EFNA5: variants seen among roughly 807,000 people sequenced by gnomAD.
EFNA5 encodes the protein ephrin A5.
EFNA5 carries 5 observed loss-of-function variants against 22.9 expected under a neutral mutation model. That is an observed-to-expected ratio of 0.22 (90% CI 0.11 to 0.46). EFNA5 has a LOEUF of 0.46. Ranked by LOEUF, EFNA5 falls within the 20% of genes least tolerant of loss-of-function variation. The probability of loss-of-function intolerance (pLI) is 0.99; values close to 1 mark genes in which losing one functional copy is unlikely to be tolerated. For missense variants in EFNA5, 237 were observed against 293.3 expected (o/e 0.81, Z 1.40); for synonymous variants, 113 against 112.2 (o/e 1.01, Z -0.04).
chr5:107,482,893 T>TATAC (rs1371480254), intron 1 of EFNA5, among the ~76,000 whole-genome samples: 1 of 140,022 alleles, frequency 7.1e-6, no homozygotes, highest in African/African-American at 2.6e-5. Context: ...TATATATATA[T>TATAC]ACATACATAT....
At chr5:107,434,378 ACACTCAGG>A (rs1398492665) in intron 1 of EFNA5, among the ~76,000 whole-genome samples, 1 of 152,180 alleles carries the variant, frequency 6.6e-6, no homozygotes, top group African/African-American at 2.4e-5. Flanking sequence ...CATTGAAAGG[ACACTCAGG>A]CAGTGCCCTG....
intron 1 of EFNA5, among the ~76,000 whole-genome samples, chr5:107,496,366 A>AAAC (rs1746987518): frequency 6.6e-6 from 1 of 151,424 alleles, no homozygotes; most frequent in African/African-American, 2.4e-5. Flanking sequence ...AAAAAACAAA[A>AAAC]AACAACAACT....
chr5:107,461,850 G>A (rs1369355574), intron 1 of EFNA5, among the ~76,000 whole-genome samples: 1 of 151,930 alleles, frequency 6.6e-6, no homozygotes, highest in African/African-American at 2.4e-5. Flanking sequence ...TTATTCACTG[G>A]CTCTAGGGAT....
chr5:107,628,295 T>C (rs1750180685), intron 1 of EFNA5, among the ~76,000 whole-genome samples: 2 of 152,318 alleles, frequency 1.3e-5, no homozygotes, highest in Admixed American at 6.5e-5. Flanking sequence ...AAATGCTCTA[T>C]ATTACCAGCA....
At chr5:107,622,969 CG>C (rs1326677711) in intron 1 of EFNA5, among the ~76,000 whole-genome samples, 1 of 132,288 alleles carries the variant, frequency 7.6e-6, no homozygotes, top group African/African-American at 2.9e-5. Flanking sequence ...TGCAGTGAGC[CG>C]AGATTGCGCC....
chr5:107,617,237 C>CACACACAG (rs1385888674), intron 1 of EFNA5, among the ~76,000 whole-genome samples: 216 of 144,546 alleles, frequency 1.5e-3, no homozygotes, highest in African/African-American at 3.6e-3. Flanking sequence ...CACACACACA[C>CACACACAG]AGAGAGAGAG....
chr5:107,394,351 T>C lies in EFNA5; in HGVS notation c.419-6580A>G, dbSNP rs542684388. 4.6e-5 allele frequency among the ~76,000 whole-genome samples: 7 copies of C among 152,282 alleles called. No homozygotes were observed. The South Asian group carries it at 1.5e-3, about 32-fold the overall frequency. On this transcript the variant is annotated intron_variant, in intron 2 of 4. Transcript: ENST00000333274. Reference sequence around the variant, plus strand: ...TGGAAAGGAGGTCACTAAGTAAAGATAGAGGCCTTGGAGAAATAAGAATAT... The same window carrying C: ...TGGAAAGGAGGTCACTAAGTAAAGACAGAGGCCTTGGAGAAATAAGAATAT...
chr5:107,644,392 T>C (rs1286506318), intron 1 of EFNA5, among the ~76,000 whole-genome samples: 1 of 152,156 alleles, frequency 6.6e-6, no homozygotes, highest in African/African-American at 2.4e-5. Flanking sequence ...ATGAGAACAT[T>C]TTGCTTCGTT....
At chr5:107,506,216 T>C (rs1747247422) in intron 1 of EFNA5, 1 of 152,230 alleles carries the variant, frequency 6.6e-6, no homozygotes, top group Admixed American at 6.5e-5. Flanking sequence ...ATCTTGTACA[T>C]ATTCCAAATT....
Position 107,661,761 on chromosome 5 carries a change from G to A in EFNA5, c.125+8728C>T, listed in dbSNP as rs561314232. 2.6e-5 allele frequency among the ~76,000 whole-genome samples: 4 copies of A among 152,198 alleles called. No individual in the cohort carries two copies. The South Asian group carries it at 8.3e-4, about 32-fold the overall frequency. ...AGTTGTCTATACATTATTGAGTTCAGTAAATGTAACAAAGTTGTATATCCC... is the reference window on the plus strand; with the variant it reads ...AGTTGTCTATACATTATTGAGTTCAATAAATGTAACAAAGTTGTATATCCC... On this transcript the variant is annotated intron_variant, in intron 1 of 4. Transcript: ENST00000333274.
intron 2 of EFNA5, among the ~76,000 whole-genome samples, chr5:107,396,964 G>C (rs1299838558): frequency 6.6e-6 from 1 of 152,142 alleles, no homozygotes; most frequent in Non-Finnish European, 1.5e-5. Flanking sequence ...TGTATACCCA[G>C]ACATGACAGT....
intron 1 of EFNA5, among the ~76,000 whole-genome samples, chr5:107,553,146 G>C (rs1174224495): frequency 1.3e-5 from 2 of 149,968 alleles, no homozygotes; most frequent in Admixed American, 1.3e-4. Flanking sequence ...AACTGCCCCA[G>C]TCCTGTTCCA....
chr5:107,383,564 A>G (rs1225494802), intron 4 of EFNA5, among the ~76,000 whole-genome samples: 1 of 152,222 alleles, frequency 6.6e-6, no homozygotes, highest in East Asian at 1.9e-4. Flanking sequence ...AGTTCATTTC[A>G]CAATATCACA....
At chr5:107,408,858 A>G (rs961018620) in intron 2 of EFNA5, among the ~76,000 whole-genome samples, 1 of 152,130 alleles carries the variant, frequency 6.6e-6, no homozygotes, top group African/African-American at 2.4e-5. Context: ...AAGAAAGAAG[A>G]TATGCAGTCC....
intron 1 of EFNA5, among the ~76,000 whole-genome samples, chr5:107,435,478 GTCTA>G (rs1388812882): frequency 6.6e-6 from 1 of 152,036 alleles, no homozygotes; most frequent in Non-Finnish European, 1.5e-5. Context: ...ACTGAAACAT[GTCTA>G]TCTTTCAGAT....
At chr5:107,522,137 TACA>T (rs572224748) in intron 1 of EFNA5, among the ~76,000 whole-genome samples, 286 of 152,362 alleles carry the variant, frequency 1.9e-3, no homozygotes, top group Non-Finnish European at 3.2e-3. Context: ...CACTAAAAAG[TACA>T]ACATGACAAA....
chr5:107,661,597 G>A (rs888511995), intron 1 of EFNA5, among the ~76,000 whole-genome samples: 1 of 152,136 alleles, frequency 6.6e-6, no homozygotes, highest in East Asian at 1.9e-4. Context: ...GGGGAACTAG[G>A]CTCATTTGCT....
intron 1 of EFNA5, among the ~76,000 whole-genome samples, chr5:107,545,683 T>C (rs938764113): frequency 6.6e-6 from 1 of 152,190 alleles, no homozygotes; most frequent in African/African-American, 2.4e-5. Flanking sequence ...CTCTTCAATC[T>C]GCTGGCATCA....
intron 1 of EFNA5, among the ~76,000 whole-genome samples, chr5:107,667,046 T>A (rs1357864143): frequency 6.6e-6 from 1 of 152,118 alleles, no homozygotes; most frequent in African/African-American, 2.4e-5. Context: ...TACTCAAAGT[T>A]ACTTGGTGAC....
Sources: gnomAD v4.1 joint callset for allele counts (sites outside exome capture counted in the v4.1 genomes callset) on GRCh38, gnomAD v4.1.1 for gene constraint, MANE v1.5 for transcripts, NCBI Gene and HGNC (gene_info 2026-07-23, HGNC 2026-07-21) for gene names.